LSM12: variants seen among roughly 807,000 people sequenced by gnomAD.
LSM12 encodes LSM12 homolog, also known as protein LSM12.
For missense variants in LSM12, 108 were observed against 238.9 expected (o/e 0.45, Z 3.61); for synonymous variants, 74 against 87.3 (o/e 0.85, Z 0.85).
rs113416449 is a variant in LSM12, at chr17:44,063,739, G to A, written c.258+62C>T. On this transcript the variant is annotated intron_variant, in intron 2 of 4. Transcript: ENST00000293406. Reference sequence around the variant, plus strand: ...AAAATAGACAACAATGTATCACTAAGACTCAATGAGACTCATCTTTCCCAC... The same window carrying A: ...AAAATAGACAACAATGTATCACTAAAACTCAATGAGACTCATCTTTCCCAC... The A allele has an allele frequency of 3.7e-5, 56 of 1,523,840 alleles. 2 individuals are homozygous for A. In the African/African-American group the frequency reaches 5.8e-4, roughly 16 times the overall value. The allele number at this position is 1,523,840 out of a possible 1,614,324, so 94.4% of individuals were successfully genotyped here.
intron 2 of LSM12, among the ~76,000 whole-genome samples, chr17:44,056,997 C>T (rs951709838): frequency 2.0e-5 from 3 of 150,818 alleles, no homozygotes; most frequent in Non-Finnish European, 4.4e-5. Context: ...GTCTCAAAAA[C>T]ATAAAAAAAT....
In LSM12 at chr17:44,037,505, G is replaced by T. The variant is rs774391850; in HGVS notation, c.402C>A (p.Ile134=). Reference sequence around the variant, plus strand: ...TAATAACAACTTCTTCCATGACTACGATGTTTTTTTCTTGCCATTTACAGT... The same window carrying T: ...TAATAACAACTTCTTCCATGACTACTATGTTTTTTTCTTGCCATTTACAGT... ...IKDCKWQEKN[I]VVMEEVVITP... is the part of the protein sequence containing the mutation. The change falls in exon 4 of 5, where the codon ATC becomes ATA. Residue 134 remains isoleucine, a synonymous_variant. Transcript: ENST00000293406. The T allele has an allele frequency of 2.5e-6, 4 of 1,609,970 alleles. No individual in the cohort carries two copies. Among genetic ancestry groups the T allele is most frequent in the Non-Finnish European group, 2.5e-6 (3 of 1,178,380 alleles).
Position 44,038,941 on chromosome 17 carries a change from C to A in LSM12, c.368+1206G>T, listed in dbSNP as rs373144992. ...GTGCACCAGATCCAGGGTGGTTAAA[C>A]AGAGTAACAGATGGCAGTGTGGGGT... On this transcript the variant is annotated intron_variant, in intron 3 of 4. Coordinates refer to ENST00000293406, the MANE Select transcript of LSM12 (RefSeq NM_001371445.1). Among the ~76,000 whole-genome samples, 21 of 152,074 alleles carry A rather than the reference C, an allele frequency of 1.4e-4. No individual in the cohort carries two copies. The East Asian group carries it at 3.3e-3, about 24-fold the overall frequency.
intron 2 of LSM12, among the ~76,000 whole-genome samples, chr17:44,062,095 G>A (rs140159399): frequency 0.15 from 22,436 of 151,908 alleles, 2,065 homozygotes; most frequent in Non-Finnish European, 0.2. Flanking sequence ...GGTGTCGGGC[G>A]CCTGTAGTCC....
chr17:44,041,290 AACACAC>A (rs72358942), intron 2 of LSM12, among the ~76,000 whole-genome samples: 3,703 of 110,364 alleles, frequency 0.034, 118 homozygotes, highest in African/African-American at 0.072. Flanking sequence ...AAAAAAAACA[AACACAC>A]ACACACACAC....
intron 1 of LSM12, among the ~76,000 whole-genome samples, chr17:44,064,378 A>G (rs527377713): frequency 1.3e-5 from 2 of 152,358 alleles, no homozygotes; most frequent in South Asian, 4.1e-4. Context: ...TAATCCATTC[A>G]TTCATTCACA....
chr17:44,057,940 C>A (rs1406843154), intron 2 of LSM12, among the ~76,000 whole-genome samples: 1 of 99,342 alleles, frequency 1.0e-5, no homozygotes, highest in African/African-American at 3.1e-5. Context: ...TAGTTAGCTA[C>A]AATAAAAAAA....
chr17:44,051,564 AAT>A (rs143395192), intron 2 of LSM12, among the ~76,000 whole-genome samples: 8 of 150,466 alleles, frequency 5.3e-5, no homozygotes, highest in African/African-American at 7.3e-5. Flanking sequence ...GGGAGGGGGA[AAT>A]ATATATATAT....
intron 2 of LSM12, among the ~76,000 whole-genome samples, chr17:44,045,364 T>C (rs954117081): frequency 6.6e-6 from 1 of 152,164 alleles, no homozygotes; most frequent in East Asian, 1.9e-4. Flanking sequence ...ACTAGATATT[T>C]CATATAAATG....
At chr17:44,041,020 T>TAC (rs368814549) in intron 2 of LSM12, among the ~76,000 whole-genome samples, 28 of 148,082 alleles carry the variant, frequency 1.9e-4, no homozygotes, top group Admixed American at 4.1e-4. Context: ...TACATACACA[T>TAC]ACACACACAC....
At chr17:44,057,516 C>A (rs1002576530) in intron 2 of LSM12, among the ~76,000 whole-genome samples, 10 of 151,022 alleles carry the variant, frequency 6.6e-5, no homozygotes, top group African/African-American at 2.4e-4. Flanking sequence ...AATCCCAGCA[C>A]TTTGGGAGGC....
Position 44,040,209 on chromosome 17 carries a change from G to A in LSM12, c.306C>T (p.Ala102=). ...RTEKEEKLSQ[A]YAISAGVSLE... is the part of the protein sequence containing the mutation. The stretch of plus-strand genomic sequence containing the variant: ...GAGAGACACCAGCACTGATTGCATA[G>A]GCCTGGCTCAGCTTCTCCTCCTTCT... The change falls in exon 3 of 5, where the codon GCC becomes GCT. Residue 102 remains alanine, a synonymous_variant. Coordinates refer to ENST00000293406, the MANE Select transcript of LSM12 (RefSeq NM_001371445.1). 4.3e-6 allele frequency: 7 copies of A among 1,614,074 alleles called. No individual in the cohort carries two copies. Among genetic ancestry groups the A allele is most frequent in the Non-Finnish European group, 5.9e-6 (7 of 1,179,956 alleles).
At chr17:44,042,305 C>T (rs1222571681) in intron 2 of LSM12, among the ~76,000 whole-genome samples, 1 of 151,910 alleles carries the variant, frequency 6.6e-6, no homozygotes, top group African/African-American at 2.4e-5. Flanking sequence ...AATGGGGGAG[C>T]CATACCTACA....
At chr17:44,047,749 T>A (rs1401791104) in intron 2 of LSM12, among the ~76,000 whole-genome samples, 2 of 150,750 alleles carry the variant, frequency 1.3e-5, no homozygotes, top group African/African-American at 4.9e-5. Flanking sequence ...TCTGTTTTTT[T>A]TTTTTTAATT....
intron 2 of LSM12, among the ~76,000 whole-genome samples, chr17:44,044,346 C>A (rs2049534098): frequency 1.3e-5 from 2 of 151,486 alleles, no homozygotes; most frequent in Admixed American, 6.6e-5. Flanking sequence ...ACACCCCCCA[C>A]CCCCGCCAAA....
rs533911734 is a variant in LSM12, at chr17:44,056,256, T to C, written c.258+7545A>G. Among the ~76,000 whole-genome samples the C allele has an allele frequency of 1.1e-4, 16 of 149,264 alleles. 1 individual carries two copies. In the South Asian group the frequency reaches 2.6e-3, roughly 24 times the overall value. On this transcript the variant is annotated intron_variant, in intron 2 of 4. Coordinates refer to ENST00000293406, the MANE Select transcript of LSM12 (RefSeq NM_001371445.1). Reference sequence around the variant, plus strand: ...GTTGTGGTGAGCCGAGATCGCGCCATTGCACTCCAGCCTGGGGAACAAGAG... The same window carrying C: ...GTTGTGGTGAGCCGAGATCGCGCCACTGCACTCCAGCCTGGGGAACAAGAG...
chr17:44,049,370 T>C lies in LSM12; in HGVS notation c.259-9114A>G, dbSNP rs570994499. 2.8e-3 allele frequency among the ~76,000 whole-genome samples: 429 copies of C among 152,226 alleles called. 3 individuals carry two copies. Among genetic ancestry groups the C allele is most frequent in the South Asian group, 6.4e-3 (31 of 4,810 alleles). ...CCTACACAATGCAGTCACAAACTCC[T>C]GGGCTCAAGCGATCTTCCCACCTCA... On this transcript the variant is annotated intron_variant, in intron 2 of 4. Coordinates refer to ENST00000293406, the MANE Select transcript of LSM12 (RefSeq NM_001371445.1).
chr17:44,062,221 CAAAAAAAAAA>C (rs529081923), intron 2 of LSM12, among the ~76,000 whole-genome samples: 5 of 63,904 alleles, frequency 7.8e-5, no homozygotes, highest in African/African-American at 2.8e-4. Flanking sequence ...GACTCCGTCT[CAAAAAAAAAA>C]AAAAAAAAAA....
At chr17:44,038,643 G>C (rs1256519033) in intron 3 of LSM12, among the ~76,000 whole-genome samples, 1 of 151,992 alleles carries the variant, frequency 6.6e-6, no homozygotes, top group Non-Finnish European at 1.5e-5. Flanking sequence ...GACAGAGTGA[G>C]ACTCCGACTC....
Sources: gnomAD v4.1 joint callset for allele counts (sites outside exome capture counted in the v4.1 genomes callset) on GRCh38, gnomAD v4.1.1 for gene constraint, MANE v1.5 for transcripts, NCBI Gene and HGNC (gene_info 2026-07-23, HGNC 2026-07-21) for gene names.